ASAP2: variants seen among roughly 807,000 people sequenced by gnomAD.
ASAP2 encodes the protein arf-GAP with SH3 domain, ANK repeat and PH domain-containing protein 2.
ASAP2 carries 45 observed loss-of-function variants against 131.4 expected under a neutral mutation model. That is an observed-to-expected ratio of 0.34 (90% confidence interval 0.27 to 0.44). ASAP2 has a LOEUF of 0.44. Ranked by LOEUF, ASAP2 falls within the 20% of genes least tolerant of loss-of-function variation. ASAP2 has a pLI of 1.00. For synonymous variants in ASAP2, 510 were observed against 503.0 expected (o/e 1.01, Z -0.19); for missense variants, 1,011 against 1,297.0 (o/e 0.78, Z 3.39).
In ASAP2 at chr2:9,370,537, T is replaced by G. The variant is rs2148700426; in HGVS notation, c.1556+2018T>G. On this transcript the variant is annotated intron_variant, in intron 16 of 27. Transcript: ENST00000281419. ...GGACATAGATATCTCAGTCCTTATCTGAGCCATGGGACACCGGCAGATTGT... is the reference window on the plus strand; with the variant it reads ...GGACATAGATATCTCAGTCCTTATCGGAGCCATGGGACACCGGCAGATTGT... 1.3e-5 allele frequency among the ~76,000 whole-genome samples: 2 copies of G among 152,338 alleles called. 1 individual carries two copies. Among genetic ancestry groups the G allele is most frequent in the South Asian group, 4.1e-4 (2 of 4,828 alleles).
In ASAP2 at chr2:9,395,594, C is replaced by CTTTTTTTTTTTT; in HGVS notation, c.2684+1967_2684+1978dup. On this transcript the variant is annotated intron_variant, in intron 24 of 27. Coordinates refer to ENST00000281419, the MANE Select transcript of ASAP2 (RefSeq NM_003887.3). ...GTTTTGTTTTTCTTGTGTTTTTTTT[C>CTTTTTTTTTTTT]TTTTTTTTTTTTTTTTTTTTTTTTT... 4.2e-4 allele frequency among the ~76,000 whole-genome samples: 25 copies of CTTTTTTTTTTTT among 59,058 alleles called. 2 individuals carry two copies. Among genetic ancestry groups the CTTTTTTTTTTTT allele is most frequent in the Admixed American group, 6.9e-4 (3 of 4,362 alleles). The allele number at this position is 59,058 out of a possible 152,430, so 38.7% of individuals were successfully genotyped here.
intron 1 of ASAP2, among the ~76,000 whole-genome samples, chr2:9,244,410 G>A (rs1370556810): frequency 6.6e-6 from 1 of 152,224 alleles, no homozygotes. Flanking sequence ...GGAAGATTAA[G>A]TGGATGTTAA....
chr2:9,284,515 C>T (rs1215531168), intron 2 of ASAP2, among the ~76,000 whole-genome samples: 1 of 152,188 alleles, frequency 6.6e-6, no homozygotes, highest in Admixed American at 6.5e-5. Flanking sequence ...AAGCCTGTGA[C>T]ATTAGGACGA....
At chr2:9,299,482 A>T (rs968172066) in intron 3 of ASAP2, among the ~76,000 whole-genome samples, 1 of 152,238 alleles carries the variant, frequency 6.6e-6, no homozygotes, top group Non-Finnish European at 1.5e-5. Context: ...CATTTCTCTG[A>T]AACTCCTAAA....
Position 9,311,659 on chromosome 2 carries a change from C to A in ASAP2, c.346-6865C>A, listed in dbSNP as rs1669306271. 6.6e-6 allele frequency among the ~76,000 whole-genome samples: 1 copy of A among 152,192 alleles called. No individual in the cohort carries two copies. Among genetic ancestry groups the A allele is most frequent in the Admixed American group, 6.5e-5 (1 of 15,278 alleles). Reference sequence around the variant, plus strand: ...CAAGGGATATGTAATCATCTTCTGGCTGTGGTTTCCGTCCCTCTCGGCCAG... The same window carrying A: ...CAAGGGATATGTAATCATCTTCTGGATGTGGTTTCCGTCCCTCTCGGCCAG... On this transcript the variant is annotated intron_variant, in intron 3 of 27. Transcript: ENST00000281419. This position sits in a 1 kb window ranked among gnomAD's most constrained non-coding sequence, Gnocchi z 5.2.
intron 1 of ASAP2, among the ~76,000 whole-genome samples, chr2:9,243,147 C>T (rs1442493229): frequency 4.6e-5 from 7 of 152,150 alleles, no homozygotes; most frequent in African/African-American, 1.4e-4. Flanking sequence ...CTTGCTCTGT[C>T]GCCCAGGCTG....
chr2:9,266,506 C>T (rs1214217321), intron 1 of ASAP2, among the ~76,000 whole-genome samples: 3 of 152,082 alleles, frequency 2.0e-5, no homozygotes, highest in Admixed American at 6.5e-5. Context: ...TGTTCCTGTG[C>T]GGGTGGTGGG....
chr2:9,396,560 A>G (rs1057051736), intron 24 of ASAP2, among the ~76,000 whole-genome samples: 1 of 152,210 alleles, frequency 6.6e-6, no homozygotes, highest in African/African-American at 2.4e-5. Flanking sequence ...TACAGGCATG[A>G]GGCACTGCGC....
At chr2:9,315,502 AGGAG>A (rs1669599675) in intron 3 of ASAP2, among the ~76,000 whole-genome samples, 1 of 152,074 alleles carries the variant, frequency 6.6e-6, no homozygotes, top group South Asian at 2.1e-4. Context: ...CAAGCAAGTG[AGGAG>A]GGTGGGAGAG....
intron 1 of ASAP2, among the ~76,000 whole-genome samples, chr2:9,229,360 T>G (rs1188898667): frequency 6.6e-6 from 1 of 152,002 alleles, no homozygotes; most frequent in African/African-American, 2.4e-5. Context: ...CTCTGTTGTC[T>G]TCACCCTTTG....
chr2:9,362,316 C>G (rs188564168), intron 15 of ASAP2, among the ~76,000 whole-genome samples: 2 of 152,336 alleles, frequency 1.3e-5, no homozygotes, highest in East Asian at 3.8e-4. Flanking sequence ...CAGGTTCTCT[C>G]ACAGGAGTAG....
intron 1 of ASAP2, among the ~76,000 whole-genome samples, chr2:9,227,941 A>G (rs1477606589): frequency 6.6e-6 from 1 of 152,272 alleles, no homozygotes; most frequent in Non-Finnish European, 1.5e-5. Flanking sequence ...GAGAGTTAAT[A>G]GTACTGGTTA....
intron 1 of ASAP2, among the ~76,000 whole-genome samples, chr2:9,220,392 T>C (rs993538932): frequency 1.3e-5 from 2 of 152,248 alleles, no homozygotes; most frequent in African/African-American, 4.8e-5. Flanking sequence ...ACACTTGTTA[T>C]GTTTGTCTTT....
intron 16 of ASAP2, among the ~76,000 whole-genome samples, chr2:9,374,218 A>G (rs985121168): frequency 1.3e-5 from 2 of 152,232 alleles, no homozygotes; most frequent in African/African-American, 4.8e-5. Context: ...ATTTCATTTC[A>G]GTTCATCTGA....
At chr2:9,393,414 C>G (rs1675866726) in intron 23 of ASAP2, 68 bp from the exon 24 acceptor site, 1 of 1,373,512 alleles carries the variant, frequency 7.3e-7, no homozygotes, top group South Asian at 1.4e-5. Flanking sequence ...AGAAAAGCCT[C>G]CAGTGAGGAG....
In ASAP2 at chr2:9,388,299, T is replaced by C; in HGVS notation, c.2136T>C (p.Ser712=). 6.2e-7 allele frequency: 1 copy of C among 1,613,844 alleles called. No homozygotes were observed. The highest frequency in any genetic ancestry group is 8.5e-7 in the Non-Finnish European group (1 of 1,179,996). Residue 712 remains serine (S), a synonymous_variant, in exon 22 of 28, where the codon AGT becomes AGC. Transcript: ENST00000281419. ...GCCCCAATGTTCTCCTGCAGCCCAG[T>C]CCCAACCGGCGGGAAGACCGGCCCA... ...DDDMDEKLQP[S]PNRREDRPIS...
At chr2:9,363,788 A>G (rs1231161452) in intron 15 of ASAP2, among the ~76,000 whole-genome samples, 13 of 152,196 alleles carry the variant, frequency 8.5e-5, no homozygotes, top group Admixed American at 8.5e-4. Flanking sequence ...TGGCCAGGCT[A>G]ATCTGGAATT....
At chr2:9,368,154 A>G (rs1558373555) in intron 15 of ASAP2, among the ~76,000 whole-genome samples, 2 of 152,300 alleles carry the variant, frequency 1.3e-5, no homozygotes, top group East Asian at 1.9e-4. Flanking sequence ...TTCACATTGG[A>G]CCAAGTTACT....
At chr2:9,325,695 G>T (rs1670435389) in intron 6 of ASAP2, among the ~76,000 whole-genome samples, 1 of 152,190 alleles carries the variant, frequency 6.6e-6, no homozygotes, top group African/African-American at 2.4e-5. Context: ...CTGTATCCAG[G>T]TGAATTGATC....
Sources: gnomAD v4.1 joint callset for allele counts (sites outside exome capture counted in the v4.1 genomes callset) on GRCh38, gnomAD v4.1.1 for gene constraint, Gnocchi (gnomAD v3.1) non-coding constraint, MANE v1.5 for transcripts, NCBI Gene and HGNC (gene_info 2026-07-23, HGNC 2026-07-21) for gene names.